TBC1D5: variants seen among roughly 807,000 people sequenced by gnomAD.
The protein encoded by TBC1D5 is TBC1 domain family, member 5.
TBC1D5 carries 75 observed loss-of-function variants against 100.3 expected under a neutral mutation model. The observed-to-expected ratio is 0.75, with a 90% confidence interval of 0.62 to 0.91. TBC1D5 has a LOEUF of 0.91. TBC1D5 is among the 40% of genes least tolerant of loss of function. TBC1D5 has a pLI of 0.00. For synonymous variants in TBC1D5, 323 were observed against 325.6 expected, an observed-to-expected ratio of 0.99 and a Z score of 0.09; for missense variants, 910 against 942.4, an observed-to-expected ratio of 0.97 and a Z score of 0.45.
At chr3:17,438,647 T>C (rs2094581172) in intron 3 of TBC1D5, among the ~76,000 whole-genome samples, 2 of 152,178 alleles carry the variant, frequency 1.3e-5, no homozygotes, top group Admixed American at 1.3e-4. Context: ...CCTTTACAAA[T>C]TACCAGTCTT....
At chr3:17,490,813 T>A (rs1473605651) in intron 3 of TBC1D5, among the ~76,000 whole-genome samples, 2 of 152,218 alleles carry the variant, frequency 1.3e-5, no homozygotes, top group Non-Finnish European at 2.9e-5. Flanking sequence ...TGGTTCCAAA[T>A]GAATTTTAAA....
At chr3:17,451,555 G>A (rs1386960889) in intron 3 of TBC1D5, among the ~76,000 whole-genome samples, 1 of 152,182 alleles carries the variant, frequency 6.6e-6, no homozygotes, top group Non-Finnish European at 1.5e-5. Flanking sequence ...CTGCTGGTGG[G>A]AGTATAAATT....
chr3:17,531,131 G>C (rs562801571), intron 2 of TBC1D5, among the ~76,000 whole-genome samples: 202 of 152,170 alleles, frequency 1.3e-3, no homozygotes, highest in African/African-American at 4.7e-3. Flanking sequence ...GCAACTTCAG[G>C]GAAGTCTCAG....
At chr3:17,708,027 C>A (rs1421151707) in intron 1 of TBC1D5, among the ~76,000 whole-genome samples, 1 of 152,168 alleles carries the variant, frequency 6.6e-6, no homozygotes, top group Non-Finnish European at 1.5e-5. Flanking sequence ...TTTATGTACA[C>A]ATAAAGGAAT....
intron 1 of TBC1D5, among the ~76,000 whole-genome samples, chr3:17,687,779 T>A (rs1481639609): frequency 6.6e-6 from 1 of 152,184 alleles, no homozygotes; most frequent in Non-Finnish European, 1.5e-5. Flanking sequence ...CCACCTTATA[T>A]CTTATAAACC....
chr3:17,513,074 C>T (rs1282804053), intron 2 of TBC1D5, among the ~76,000 whole-genome samples: 1 of 152,098 alleles, frequency 6.6e-6, no homozygotes, highest in Non-Finnish European at 1.5e-5. Context: ...TGGCTTATGT[C>T]TATAATCCCA....
intron 18 of TBC1D5, among the ~76,000 whole-genome samples, chr3:17,190,339 G>A (rs1158863321): frequency 6.6e-6 from 1 of 152,200 alleles, no homozygotes; most frequent in Non-Finnish European, 1.5e-5. Flanking sequence ...TACAATTCTG[G>A]AAAGGGAAGA....
chr3:17,498,605 T>C (rs1419666752), intron 3 of TBC1D5, among the ~76,000 whole-genome samples: 1 of 152,082 alleles, frequency 6.6e-6, no homozygotes, highest in Non-Finnish European at 1.5e-5. Flanking sequence ...AGACATACAA[T>C]TTATAATCTG....
chr3:17,305,225 C>A (rs2083284126), intron 14 of TBC1D5, among the ~76,000 whole-genome samples: 1 of 152,112 alleles, frequency 6.6e-6, no homozygotes. Context: ...TCAGACAGTT[C>A]TCTGGGGTTA....
rs1297865520 is a variant in TBC1D5, at chr3:17,699,080, A to G, written c.-101+40263T>C. 2.0e-5 allele frequency among the ~76,000 whole-genome samples: 3 copies of G among 151,520 alleles called. No individual in the cohort carries two copies. The East Asian group carries it at 5.8e-4, about 29-fold the overall frequency. On this transcript the variant is annotated intron_variant, in intron 1 of 21. Coordinates refer to ENST00000253692, the Ensembl canonical transcript of TBC1D5. ...AGGACTATAAATCATGCTGCTATAA[A>G]GACACATGCCCACGTATGTTTATTG...
chr3:17,559,100 A>G (rs1221314057), intron 2 of TBC1D5, among the ~76,000 whole-genome samples: 2 of 151,836 alleles, frequency 1.3e-5, no homozygotes, highest in East Asian at 3.8e-4. Flanking sequence ...ATAAATAAAT[A>G]AATAAATAAA....
At chr3:17,566,310 T>C (rs889288867) in intron 2 of TBC1D5, among the ~76,000 whole-genome samples, 8 of 151,834 alleles carry the variant, frequency 5.3e-5, no homozygotes, top group African/African-American at 1.9e-4. Flanking sequence ...AAGAGGCAGA[T>C]TTTATTTCTA....
chr3:17,573,973 C>T (rs1449074019), intron 2 of TBC1D5, among the ~76,000 whole-genome samples: 1 of 152,006 alleles, frequency 6.6e-6, no homozygotes, highest in African/African-American at 2.4e-5. Flanking sequence ...GTAAAAAGTA[C>T]TTCATGGAAA....
intron 3 of TBC1D5, among the ~76,000 whole-genome samples, chr3:17,468,766 G>A (rs2095339020): frequency 6.6e-6 from 1 of 152,132 alleles, no homozygotes; most frequent in African/African-American, 2.4e-5. Flanking sequence ...CTTTGAAACT[G>A]CAGGCTGTTT....
chr3:17,705,537 G>A lies in TBC1D5; in HGVS notation c.-101+33806C>T, dbSNP rs866388504. Among the ~76,000 whole-genome samples the A allele has an allele frequency of 1.3e-3, 185 of 145,788 alleles. 2 individuals carry two copies. Among genetic ancestry groups the A allele is most frequent in the South Asian group, 4.6e-4 (2 of 4,366 alleles). On this transcript the variant is annotated intron_variant, in intron 1 of 21. Coordinates refer to ENST00000253692, the Ensembl canonical transcript of TBC1D5. ...GGTCTCCTCACTTCTCAGACGGGGC[G>A]GCCGGGCAGAGACGCTCCTCACCTC... is the stretch of plus-strand genomic sequence containing the variant.
intron 13 of TBC1D5, among the ~76,000 whole-genome samples, chr3:17,352,862 T>C (rs1262366691): frequency 6.6e-6 from 1 of 152,006 alleles, no homozygotes; most frequent in Non-Finnish European, 1.5e-5. Flanking sequence ...ATCAAAACAC[T>C]GAGAGCTAAT....
At chr3:17,280,190 G>C (rs946831705) in intron 15 of TBC1D5, among the ~76,000 whole-genome samples, 1 of 152,098 alleles carries the variant, frequency 6.6e-6, no homozygotes, top group Non-Finnish European at 1.5e-5. Context: ...ATAGAGATGG[G>C]GGCAGGGAGG....
intron 16 of TBC1D5, among the ~76,000 whole-genome samples, chr3:17,253,468 T>C (rs1345915712): frequency 6.6e-6 from 1 of 152,210 alleles, no homozygotes; most frequent in Non-Finnish European, 1.5e-5. Context: ...ATACATCTTT[T>C]TCTTTTTATA....
chr3:17,337,179 T>C lies in TBC1D5; in HGVS notation c.996-29045A>G, dbSNP rs2088027126. 2.0e-5 allele frequency among the ~76,000 whole-genome samples: 3 copies of C among 149,694 alleles called. No individual in the cohort carries two copies. In the Admixed American group the frequency reaches 2.0e-4, roughly 10 times the overall value. Reference sequence around the variant, plus strand: ...TGGGCCCTACCCACAGAGTTTCTGATTTAGTGAGTCTGGGGTGGTGCCTGA... The same window carrying C: ...TGGGCCCTACCCACAGAGTTTCTGACTTAGTGAGTCTGGGGTGGTGCCTGA... On this transcript the variant is annotated intron_variant, in intron 13 of 21. Coordinates refer to ENST00000253692, the Ensembl canonical transcript of TBC1D5.
Sources: gnomAD v4.1 joint callset for allele counts (sites outside exome capture counted in the v4.1 genomes callset) on GRCh38, gnomAD v4.1.1 for gene constraint, MANE v1.5 for transcripts, NCBI Gene and HGNC (gene_info 2026-07-23, HGNC 2026-07-21) for gene names.